Variants in SHOX observed in about 807,000 individuals in gnomAD.
SHOX encodes SHOX homeobox.
Under a neutral mutation model 29.6 loss-of-function variants are expected in SHOX, and 12 were observed. The ratio of observed to expected loss-of-function variants is 0.41; its 90% CI spans 0.26 to 0.66. The LOEUF (loss-of-function observed/expected upper bound fraction) is 0.66, where lower values mean the gene tolerates loss of function less well. Among genes scored for constraint, SHOX ranks in the 30% least tolerant of loss-of-function variants. The pLI is 0.35. For missense variants in SHOX, 499 were observed against 437.7 expected (o/e 1.14, Z -1.25); for synonymous variants, 214 against 200.6 (o/e 1.07, Z -0.57).
At chrX:630,586 C>G, upstream of SHOX, 2 of 514,474 alleles carry the variant, frequency 3.9e-6, no homozygotes, top group East Asian at 6.7e-5. Flanking sequence ...TGGGATCTTT[C>G]CCCCTTCGCA....
upstream of SHOX, among the ~76,000 whole-genome samples, chrX:625,793 T>TG (rs2052519591): frequency 6.9e-6 from 1 of 145,928 alleles, no homozygotes; most frequent in East Asian, 2.1e-4. Flanking sequence ...TCTCTTTCTC[T>TG]CCTCTCTCTG....
upstream of SHOX, among the ~76,000 whole-genome samples, chrX:627,163 C>T (rs747894069): frequency 2.0e-5 from 3 of 152,308 alleles, no homozygotes; most frequent in South Asian, 4.1e-4. Flanking sequence ...GGTGCAGACC[C>T]TGCTTTCTGC....
At chrX:630,577 G>A (rs2052629258), upstream of SHOX, 2 of 493,812 alleles carry the variant, frequency 4.1e-6, no homozygotes, top group African/African-American at 1.9e-5. Context: ...TTCCAAAAAT[G>A]GGATCTTTCC....
chrX:650,091 G>T lies in SHOX; in HGVS notation c.*5455G>T, dbSNP rs766687125. The T allele has an allele frequency of 2.2e-6, 1 of 447,452 alleles. No individual in the cohort carries two copies. 27.7% of individuals were successfully genotyped at this position (447,452 alleles called of 1,614,324 possible). A position where few individuals can be genotyped will look rare whatever the true frequency, so the allele number is the denominator to read the frequency against. On this transcript the variant is annotated 3_prime_UTR_variant, in exon 5 of 5. Coordinates refer to ENST00000686671, the MANE Select transcript of SHOX (RefSeq NM_000451.4). ...AATGCACCTTCTCTGGTGGCCGTTG[G>T]GGTGTTGTTTCACAGGCAGTGGTGA... is the stretch of plus-strand genomic sequence containing the variant.
At chrX:651,723 G>C (rs950371408), downstream of SHOX, among the ~76,000 whole-genome samples, 4 of 151,150 alleles carry the variant, frequency 2.6e-5, no homozygotes, top group African/African-American at 9.7e-5. Context: ...TTCCAGGGTG[G>C]GTACCCAGTG....
chrX:634,751 C>A lies in SHOX; in HGVS notation c.411C>A (p.Asp137Glu). 6.2e-7 allele frequency: 1 copy of A among 1,611,858 alleles called. No individual in the cohort carries two copies. The highest frequency in any genetic ancestry group is 1.1e-5 in the South Asian group (1 of 90,608). The change falls in exon 2 of 5, where the codon GAC becomes GAA. Residue 137 changes from aspartate (D) to glutamate (E), a missense_variant. Asp to Glu is a conservative substitution (Grantham distance 45). Coordinates refer to ENST00000686671, the MANE Select transcript of SHOX (RefSeq NM_000451.4). ...EQLNELERLF[D>E]ETHYPDAFMR... ...TGAACGAGCTCGAGCGACTCTTCGA[C>A]GAGACCCATTACCCCGACGCCTTCA...
rs2124194054 is a variant in SHOX at position 644,468 on chromosome X, C to G, written c.711C>G (p.Pro237=). The G allele has an allele frequency of 6.6e-7, 1 of 1,525,252 alleles. No individual in the cohort carries two copies. Among genetic ancestry groups the G allele is most frequent in the Non-Finnish European group, 8.7e-7 (1 of 1,143,712 alleles). The allele number at this position is 1,525,252 out of a possible 1,614,324, so 94.5% of individuals were successfully genotyped here. A position where few individuals can be genotyped will look rare whatever the true frequency, so the allele number is the denominator to read the frequency against. The part of the protein sequence containing the change: ...HLHPHLAAHA[P]YLMFPPPPFG... ...ACCCGCACCTGGCGGCGCACGCGCC[C>G]TACCTGATGTTCCCCCCGCCGCCCT... is the stretch of plus-strand genomic sequence containing the variant. Residue 237 remains proline, a synonymous_variant, in exon 5 of 5, where the codon CCC becomes CCG. Transcript: ENST00000686671.
chrX:654,762 G>A (rs2053114335), downstream of SHOX, among the ~76,000 whole-genome samples: 1 of 152,078 alleles, frequency 6.6e-6, no homozygotes, highest in Non-Finnish European at 1.5e-5. Context: ...TCAGCTCACT[G>A]TAATTTCTGC....
intron 1 of SHOX, among the ~76,000 whole-genome samples, chrX:631,675 G>A (rs1350339368): frequency 6.6e-6 from 1 of 152,190 alleles, no homozygotes; most frequent in Non-Finnish European, 1.5e-5. Flanking sequence ...GGGATTACAG[G>A]CATGCACCAC....
chrX:644,530 C>T lies in SHOX; in HGVS notation c.773C>T (p.Ser258Leu). Residue 258 changes from serine to leucine, a missense_variant, in exon 5 of 5, where the codon TCG becomes TTG. Physicochemically the swap from Ser to Leu is moderately radical, Grantham distance 145. Transcript: ENST00000686671. Reference protein sequence around the residue: ...LPIASLAESASAAAVVAAAAK... With the variant: ...LPIASLAESALAAAVVAAAAK... Reference sequence around the variant, plus strand: ...ATCGCGTCGCTGGCCGAGTCCGCCTCGGCCGCCGCCGTGGTCGCCGCCGCC... The same window carrying T: ...ATCGCGTCGCTGGCCGAGTCCGCCTTGGCCGCCGCCGTGGTCGCCGCCGCC... 2 of 1,517,588 alleles carry T rather than the reference C, an allele frequency of 1.3e-6. No individual in the cohort carries two copies. Among genetic ancestry groups the T allele is most frequent in the South Asian group, 1.2e-5 (1 of 82,124 alleles). The allele number at this position is 1,517,588 out of a possible 1,614,324, so 94.0% of individuals were successfully genotyped here. A position where few individuals can be genotyped will look rare whatever the true frequency, so the allele number is the denominator to read the frequency against.
At chrX:638,380 C>A (rs1447019793) in intron 2 of SHOX, among the ~76,000 whole-genome samples, 1 of 151,982 alleles carries the variant, frequency 6.6e-6, no homozygotes, top group Non-Finnish European at 1.5e-5. Context: ...GCTTTCTGGG[C>A]CCTGGAGGAG....
At chrX:625,250 C>A (rs1044787930) in intron 1 of SHOX, among the ~76,000 whole-genome samples, 14 of 140,898 alleles carry the variant, frequency 9.9e-5, no homozygotes, top group Non-Finnish European at 2.1e-4. Context: ...CCTTCTACTC[C>A]TTTTCCTCCT....
At chrX:629,562 T>G (rs1410420128), upstream of SHOX, among the ~76,000 whole-genome samples, 1 of 151,788 alleles carries the variant, frequency 6.6e-6, no homozygotes, top group African/African-American at 2.4e-5. Context: ...CGTTTCTCTC[T>G]CTGCCTCTCC....
chrX:634,957 G>C (rs2052718913), intron 2 of SHOX, 131 bp downstream of exon 2: 13 of 946,424 alleles, frequency 1.4e-5, no homozygotes, highest in South Asian at 6.8e-5. Flanking sequence ...GGTTGGGTGA[G>C]GGACGGGCTG....
At position 649,305 on chromosome X, in the gene SHOX, C is replaced by G. The variant is rs2053017611; in HGVS notation, c.*4669C>G. ...CCACCCGCCTCAGCCTCCCAGAGTG[C>G]TGGGATTACGGGGTGAGGCACCGCG... On this transcript the variant is annotated 3_prime_UTR_variant, in exon 5 of 5. Transcript: ENST00000686671. 1.3e-5 allele frequency among the ~76,000 whole-genome samples: 2 copies of G among 152,148 alleles called. No homozygotes were observed. Among genetic ancestry groups the G allele is most frequent in the African/African-American group, 4.8e-5 (2 of 41,446 alleles).
chrX:630,826 G>C lies in SHOX; in HGVS notation c.-72G>C. ...GCGCTGGTGATCCACCCGCGCGCAC[G>C]GGCCGTCCTCTCCGCGCGGGGAGAC... On this transcript the variant is annotated 5_prime_UTR_variant, in exon 1 of 5. Coordinates refer to ENST00000686671, the MANE Select transcript of SHOX (RefSeq NM_000451.4). 1 of 1,577,430 alleles carries C rather than the reference G, an allele frequency of 6.3e-7. No individual in the cohort carries two copies. Among genetic ancestry groups the C allele is most frequent in the Middle Eastern group, 2.1e-4 (1 of 4,700 alleles).
At chrX:630,754 C>A, upstream of SHOX, 1 of 1,057,994 alleles carries the variant, frequency 9.5e-7, no homozygotes, top group Non-Finnish European at 1.4e-6. Flanking sequence ...TGGGCGAGGT[C>A]GCCGCGTATA....
intron 1 of SHOX, 74 bp from the exon 2 acceptor site, chrX:634,544 G>C (rs2052706809): frequency 2.0e-6 from 3 of 1,514,862 alleles, no homozygotes; most frequent in Admixed American, 3.6e-5. Flanking sequence ...TCCACCGCGG[G>C]ATGCACGAAG....
Position 650,613 on chromosome X carries a change from C to G in SHOX, c.*5977C>G, listed in dbSNP as rs777024982. Among the ~76,000 whole-genome samples, 47 of 151,546 alleles carry G rather than the reference C, an allele frequency of 3.1e-4. No homozygotes were observed. The highest frequency in any genetic ancestry group is 1.3e-3 in the South Asian group (6 of 4,786). ...TCTAACATTTGTTTTCCCCTAAGAA[C>G]AAGCAGAAGCCTCCAGCTCCCTTTA... On this transcript the variant is annotated 3_prime_UTR_variant, in exon 5 of 5. Transcript: ENST00000686671.
Sources: gnomAD v4.1 joint callset for allele counts (sites outside exome capture counted in the v4.1 genomes callset) on GRCh38, gnomAD v4.1.1 for gene constraint, MANE v1.5 for transcripts, NCBI Gene and HGNC (gene_info 2026-07-23, HGNC 2026-07-21) for gene names.